Variants in OPHN1 observed in about 807,000 individuals in gnomAD.
OPHN1 encodes the protein oligophrenin-1.
OPHN1 carries 11 observed loss-of-function variants against 60.7 expected under a neutral mutation model. The ratio of observed to expected loss-of-function variants is 0.18; its 90% CI spans 0.11 to 0.30. The LOEUF (loss-of-function observed/expected upper bound fraction) is 0.30, where lower values mean the gene tolerates loss of function less well. Ranked by LOEUF, OPHN1 falls within the 10% of genes least tolerant of loss-of-function variation. The probability of loss-of-function intolerance (pLI) is 1.00; values close to 1 mark genes in which losing one functional copy is unlikely to be tolerated. For synonymous variants in OPHN1, 226 were observed against 222.6 expected (o/e 1.02, Z -0.14); for missense variants, 449 against 611.0 (o/e 0.73, Z 2.80).
chrX:68,378,638 C>G (rs1161277953), intron 2 of OPHN1, among the ~76,000 whole-genome samples: 27 of 111,736 alleles, frequency 2.4e-4, no homozygotes, highest in Non-Finnish European at 3.8e-4. Context: ...TCCAGTTTCA[C>G]CTTTCTACAT....
intron 2 of OPHN1, among the ~76,000 whole-genome samples, chrX:68,344,544 A>T (rs760106461): frequency 3.2e-4 from 35 of 109,208 alleles, no homozygotes; most frequent in Non-Finnish European, 5.7e-4. Context: ...CCCAGGAGGC[A>T]GAGGTTGTAC....
At chrX:68,203,025 A>G (rs1321884593) in intron 10 of OPHN1, among the ~76,000 whole-genome samples, 3 of 110,034 alleles carry the variant, frequency 2.7e-5, no homozygotes, top group Non-Finnish European at 5.7e-5. Flanking sequence ...TTGGGAGGCC[A>G]AGGCAGGTGG....
intron 19 of OPHN1, among the ~76,000 whole-genome samples, chrX:68,076,077 T>TTA (rs1175176648): frequency 7.2e-5 from 8 of 110,448 alleles, no homozygotes; most frequent in Non-Finnish European, 1.5e-4. Context: ...AGAACTTGTA[T>TTA]TATATATATA....
intron 2 of OPHN1, among the ~76,000 whole-genome samples, chrX:68,394,999 A>G (rs1391576904): frequency 9.2e-6 from 1 of 109,185 alleles, no homozygotes; most frequent in African/African-American, 3.3e-5. Context: ...TCTGTTGCCC[A>G]GGCTGGAGTA....
rs1355424935 is a variant in OPHN1 at position 68,230,791 on chromosome X, C to A, written c.486+3696G>T. Among the ~76,000 whole-genome samples the A allele has an allele frequency of 6.6e-5, 7 of 105,274 alleles. 1 individual carries two copies. The Admixed American group carries it at 7.2e-4, about 11-fold the overall frequency. 91.4% of individuals were successfully genotyped at this position (105,274 alleles called of 115,157 possible). On this transcript the variant is annotated intron_variant, in intron 6 of 24. Coordinates refer to ENST00000355520, the MANE Select transcript of OPHN1 (RefSeq NM_002547.3). ...GGGTGGGGGGAGGGGGGTGGGATAG[C>A]ATTAGGAGATAGACCTAATGTAAAT...
In OPHN1 at chrX:68,253,964, G is replaced by A. The variant is rs1050568403; in HGVS notation, c.385-19376C>T. On this transcript the variant is annotated intron_variant, in intron 5 of 24. Coordinates refer to ENST00000355520, the MANE Select transcript of OPHN1 (RefSeq NM_002547.3). ...CGTCCCTGTGGTATGTACGCCCTGC[G>A]TCTAGGGGGTAACGGCACAGGGATC... Among the ~76,000 whole-genome samples, 11 of 112,014 alleles carry A rather than the reference G, an allele frequency of 9.8e-5. No individual in the cohort carries two copies. In the Admixed American group the frequency reaches 1.0e-3, roughly 11 times the overall value.
intron 21 of OPHN1, among the ~76,000 whole-genome samples, chrX:68,061,178 T>C (rs998378054): frequency 1.4e-4 from 16 of 111,697 alleles, no homozygotes; most frequent in African/African-American, 5.2e-4. Flanking sequence ...AAGCAGAAAA[T>C]GAAGCCAGGC....
At position 68,324,446 on chromosome X, in the gene OPHN1, TA is replaced by T. The variant is rs58334942; in HGVS notation, c.155-25351del. Among the ~76,000 whole-genome samples, 831 of 91,150 alleles carry T rather than the reference TA, an allele frequency of 9.1e-3. 9 individuals carry two copies. The highest frequency in any genetic ancestry group is 0.023 in the African/African-American group (576 of 24,891). 79.2% of individuals were successfully genotyped at this position (91,150 alleles called of 115,157 possible). A position where few individuals can be genotyped will look rare whatever the true frequency, so the allele number is the denominator to read the frequency against. On this transcript the variant is annotated intron_variant, in intron 2 of 24. Transcript: ENST00000355520. ...GGTAAGACTCCGTCTCTACAAAAAT[TA>T]AAAAAAAAAAAAAATAGCCAGGTAT...
At chrX:68,403,412 A>G (rs73541322) in intron 2 of OPHN1, among the ~76,000 whole-genome samples, 1,339 of 112,086 alleles carry the variant, frequency 0.012, 19 homozygotes, top group African/African-American at 0.041. Context: ...GCTTTCCTAG[A>G]GAGAAGGGTA....
chrX:68,226,954 A>C (rs2077697097), intron 6 of OPHN1, among the ~76,000 whole-genome samples: 1 of 111,774 alleles, frequency 8.9e-6, no homozygotes, highest in Non-Finnish European at 1.9e-5. Flanking sequence ...TAAAGAGTCA[A>C]GTCCCATCAT....
At chrX:68,123,224 T>C (rs192484587) in intron 15 of OPHN1, among the ~76,000 whole-genome samples, 170 of 111,389 alleles carry the variant, frequency 1.5e-3, no homozygotes, top group African/African-American at 5.1e-3. Flanking sequence ...ATAGTATATC[T>C]GGTGAAAATG....
chrX:68,116,059 G>A (rs888151024), intron 16 of OPHN1, among the ~76,000 whole-genome samples: 1 of 112,189 alleles, frequency 8.9e-6, no homozygotes, highest in Non-Finnish European at 1.9e-5. Flanking sequence ...TGACGACCGG[G>A]ATCAATGGAA....
At chrX:68,212,545 A>ACTGCACTCTAGC in intron 7 of OPHN1, among the ~76,000 whole-genome samples, 1 of 111,864 alleles carries the variant, frequency 8.9e-6, no homozygotes, top group South Asian at 3.8e-4. Context: ...AGATTGCATC[A>ACTGCACTCTAGC]CTGCACTCTA....
intron 2 of OPHN1, among the ~76,000 whole-genome samples, chrX:68,397,112 C>A (rs1280415157): frequency 8.9e-6 from 1 of 112,489 alleles, no homozygotes; most frequent in Non-Finnish European, 1.9e-5. Flanking sequence ...ACACCCTCCA[C>A]CCTCCAGCAC....
chrX:68,343,245 G>A (rs2078362496), intron 2 of OPHN1, among the ~76,000 whole-genome samples: 2 of 95,888 alleles, frequency 2.1e-5, no homozygotes, highest in Non-Finnish European at 4.1e-5. Flanking sequence ...TTGCATTCCA[G>A]CCTGGGAGAC....
intron 15 of OPHN1, among the ~76,000 whole-genome samples, chrX:68,162,321 T>A (rs764246466): frequency 9.0e-6 from 1 of 110,580 alleles, no homozygotes; most frequent in Non-Finnish European, 1.9e-5. Context: ...ATAGACTCAT[T>A]ATATTATTGA....
At chrX:68,373,499 T>G in intron 2 of OPHN1, among the ~76,000 whole-genome samples, 1 of 111,074 alleles carries the variant, frequency 9.0e-6, no homozygotes, top group Non-Finnish European at 1.9e-5. Context: ...TCAGTTCCCC[T>G]CCCAGCTGGA....
intron 5 of OPHN1, among the ~76,000 whole-genome samples, chrX:68,261,558 T>C (rs1432609783): frequency 9.0e-6 from 1 of 111,037 alleles, no homozygotes; most frequent in Non-Finnish European, 1.9e-5. Flanking sequence ...AGTGATAAAG[T>C]GTACACATGG....
chrX:68,132,429 G>C (rs1267534318), intron 15 of OPHN1, among the ~76,000 whole-genome samples: 13 of 107,421 alleles, frequency 1.2e-4, no homozygotes, highest in Admixed American at 4.0e-4. Flanking sequence ...AACCATCATT[G>C]TCAGTAAACT....
Sources: allele counts gnomAD v4.1 joint callset (sites outside exome capture counted in the v4.1 genomes callset), GRCh38; gene constraint gnomAD v4.1.1; transcripts MANE v1.5; gene names NCBI Gene and HGNC (gene_info 2026-07-23, HGNC 2026-07-21).